Variants in RSU1 observed in about 807,000 individuals in gnomAD.
The protein encoded by RSU1 is rsu-1.
RSU1 carries 26 observed loss-of-function variants against 31.1 expected under a neutral mutation model. The observed-to-expected ratio is 0.84, with a 90% confidence interval of 0.61 to 1.16. The LOEUF is 1.16. Ranked by LOEUF, RSU1 falls within the 50% of genes most tolerant of loss-of-function variation. RSU1 has a pLI of 0.00. For missense variants in RSU1, 320 were observed against 339.1 expected (o/e 0.94, Z 0.44); for synonymous variants, 164 against 136.3 (o/e 1.20, Z -1.41).
chr10:16,753,215 G>C (rs750804148), intron 5 of RSU1, among the ~76,000 whole-genome samples: 35 of 152,258 alleles, frequency 2.3e-4, no homozygotes, highest in Non-Finnish European at 4.1e-4. Context: ...TATCCAAGAG[G>C]AATGACGCAA....
At chr10:16,652,437 A>C (rs1834703430) in intron 8 of RSU1, among the ~76,000 whole-genome samples, 2 of 147,516 alleles carry the variant, frequency 1.4e-5, no homozygotes, top group South Asian at 2.2e-4. Context: ...GAAATGAGCC[A>C]TTCTTAAGTG....
intron 7 of RSU1, among the ~76,000 whole-genome samples, chr10:16,736,274 A>G (rs939321840): frequency 3.9e-5 from 6 of 152,236 alleles, no homozygotes; most frequent in African/African-American, 1.4e-4. Flanking sequence ...CAAGGAAGAT[A>G]TAACTACCAG....
intron 8 of RSU1, among the ~76,000 whole-genome samples, chr10:16,655,939 G>T (rs1484005160): frequency 1.3e-5 from 2 of 152,010 alleles, no homozygotes; most frequent in East Asian, 3.8e-4. Context: ...TATCTTTGAG[G>T]CCTGCCTGTA....
chr10:16,792,236 T>G (rs906711676), intron 2 of RSU1, among the ~76,000 whole-genome samples: 1 of 152,178 alleles, frequency 6.6e-6, no homozygotes, highest in Non-Finnish European at 1.5e-5. Flanking sequence ...AAAGGATTCA[T>G]CACTTTTTTG....
chr10:16,637,458 T>G (rs1392862424), intron 8 of RSU1, among the ~76,000 whole-genome samples: 1 of 127,422 alleles, frequency 7.8e-6, no homozygotes, highest in South Asian at 2.3e-4. Flanking sequence ...TTCCTAAGGA[T>G]TTTTTTTTTT....
At chr10:16,687,881 G>A (rs887421239) in intron 8 of RSU1, among the ~76,000 whole-genome samples, 2 of 151,866 alleles carry the variant, frequency 1.3e-5, no homozygotes, top group South Asian at 4.2e-4. Flanking sequence ...CACCATGCCC[G>A]GCTAATTTTT....
At chr10:16,779,844 T>C (rs1837612775) in intron 3 of RSU1, among the ~76,000 whole-genome samples, 1 of 152,206 alleles carries the variant, frequency 6.6e-6, no homozygotes. Context: ...TTCATTTAAA[T>C]GCCAGAAAAA....
At chr10:16,624,182 C>A (rs1190338884) in intron 8 of RSU1, among the ~76,000 whole-genome samples, 5 of 151,586 alleles carry the variant, frequency 3.3e-5, no homozygotes, top group Non-Finnish European at 7.4e-5. Flanking sequence ...GGTATCAGGT[C>A]CCTGCAGGAG....
intron 3 of RSU1, among the ~76,000 whole-genome samples, chr10:16,779,821 C>G (rs1837612548): frequency 6.6e-6 from 1 of 152,110 alleles, no homozygotes; most frequent in African/African-American, 2.4e-5. Context: ...CTTGAAAAAC[C>G]ATAGCAAAGT....
chr10:16,775,674 A>G (rs1837512511), intron 3 of RSU1, among the ~76,000 whole-genome samples: 1 of 152,172 alleles, frequency 6.6e-6, no homozygotes, highest in South Asian at 2.1e-4. Flanking sequence ...CTCACTCACT[A>G]CAGCCAAAAA....
At chr10:16,630,069 ATTTTT>A (rs78634326) in intron 8 of RSU1, among the ~76,000 whole-genome samples, 1 of 149,628 alleles carries the variant, frequency 6.7e-6, no homozygotes, top group Admixed American at 6.7e-5. Flanking sequence ...AAGTTTTTAA[ATTTTT>A]TTTTTTATTT....
At chr10:16,672,507 T>G (rs1229378477) in intron 8 of RSU1, among the ~76,000 whole-genome samples, 1 of 152,126 alleles carries the variant, frequency 6.6e-6, no homozygotes, top group Non-Finnish European at 1.5e-5. Context: ...CTGAGGTATA[T>G]CCACACAATG....
At chr10:16,709,423 C>G (rs1835972371) in intron 7 of RSU1, among the ~76,000 whole-genome samples, 1 of 152,132 alleles carries the variant, frequency 6.6e-6, no homozygotes, top group Non-Finnish European at 1.5e-5. Context: ...GGTTCCAAGT[C>G]TTTGCTATTG....
intron 2 of RSU1, among the ~76,000 whole-genome samples, chr10:16,791,635 C>CAAAAAA (rs553951655): frequency 2.0e-5 from 2 of 98,482 alleles, no homozygotes. Context: ...CTCAAAAAAA[C>CAAAAAA]AAAAAAAAAA....
rs1837153277 is a variant in RSU1, at chr10:16,759,027, C to A, written c.282-4038G>T. On this transcript the variant is annotated intron_variant, in intron 4 of 8. Transcript: ENST00000345264. ...AGGGGGTTTCAGGCTATTTCAGCAT[C>A]TTTTTTCCTTGTCTTCTAAAGCCCC... 2.0e-5 allele frequency among the ~76,000 whole-genome samples: 3 copies of A among 152,110 alleles called. No individual in the cohort carries two copies. In the South Asian group the frequency reaches 6.2e-4, roughly 32 times the overall value.
chr10:16,623,259 C>T lies in RSU1; in HGVS notation c.732-29763G>A, dbSNP rs1183420744. On this transcript the variant is annotated intron_variant, in intron 8 of 8. Transcript: ENST00000345264. ...TGTCCATGAAGACCAATGTTTAGCT[C>T]CCACTTATAGGTGAGAACATGCAGT... Among the ~76,000 whole-genome samples the T allele has an allele frequency of 2.0e-5, 3 of 152,188 alleles. No homozygotes were observed. The East Asian group carries it at 5.8e-4, about 29-fold the overall frequency.
intron 8 of RSU1, among the ~76,000 whole-genome samples, chr10:16,616,520 C>T (rs572505742): frequency 1.3e-5 from 2 of 152,038 alleles, no homozygotes; most frequent in East Asian, 3.8e-4. Flanking sequence ...TTTATGAGGC[C>T]AGCATCATGC....
intron 7 of RSU1, among the ~76,000 whole-genome samples, chr10:16,749,510 C>A (rs938584316): frequency 2.0e-5 from 3 of 152,118 alleles, no homozygotes; most frequent in Admixed American, 2.0e-4. Context: ...CTTTAAAACA[C>A]CCCCAGAAGC....
At chr10:16,669,015 C>T (rs1004764842) in intron 8 of RSU1, among the ~76,000 whole-genome samples, 2 of 152,170 alleles carry the variant, frequency 1.3e-5, no homozygotes, top group African/African-American at 4.8e-5. Flanking sequence ...TCCTTTAATA[C>T]TGTTGTGCTT....
Sources: allele counts gnomAD v4.1 joint callset (sites outside exome capture counted in the v4.1 genomes callset), GRCh38; gene constraint gnomAD v4.1.1; transcripts MANE v1.5; gene names NCBI Gene and HGNC (gene_info 2026-07-23, HGNC 2026-07-21).